The following HS6ST2 variants were observed in gnomAD, a reference collection of about 807,000 sequenced individuals.
HS6ST2 encodes heparan sulfate 6-O-sulfotransferase 2.
In HS6ST2, 17 loss-of-function variants were observed where a neutral mutation model predicts 33.0. The ratio of observed to expected loss-of-function variants is 0.52; its 90% CI spans 0.35 to 0.77. HS6ST2 has a LOEUF of 0.77. Among genes scored for constraint, HS6ST2 ranks in the 30% least tolerant of loss-of-function variants. The pLI, the probability that HS6ST2 is intolerant of heterozygous loss-of-function variation, is 0.01. For synonymous variants in HS6ST2, 248 were observed against 237.1 expected (o/e 1.05, Z -0.42); for missense variants, 519 against 551.7 (o/e 0.94, Z 0.59).
intron 2 of HS6ST2, among the ~76,000 whole-genome samples, chrX:132,789,186 G>A (rs2065093792): frequency 9.0e-6 from 1 of 111,641 alleles, no homozygotes; most frequent in African/African-American, 3.3e-5. Context: ...TCAACGAACA[G>A]CATCACTCTC....
chrX:132,723,688 T>C (rs1052892193), intron 2 of HS6ST2, among the ~76,000 whole-genome samples: 32 of 112,362 alleles, frequency 2.8e-4, no homozygotes, highest in Non-Finnish European at 5.3e-4. Context: ...ATAAAAGCTA[T>C]GTATGACAGA....
At chrX:132,707,767 A>G (rs1315105910) in intron 3 of HS6ST2, among the ~76,000 whole-genome samples, 3 of 111,850 alleles carry the variant, frequency 2.7e-5, no homozygotes, top group East Asian at 2.8e-4. Context: ...GGTTCTTGCT[A>G]GACTCTCCGG....
At chrX:132,671,139 G>C in intron 3 of HS6ST2, among the ~76,000 whole-genome samples, 1 of 112,641 alleles carries the variant, frequency 8.9e-6, no homozygotes, top group Non-Finnish European at 1.9e-5. Context: ...CCTGAGACCA[G>C]GGACCATCCT....
intron 2 of HS6ST2, among the ~76,000 whole-genome samples, chrX:132,740,437 G>C (rs1488676985): frequency 3.6e-5 from 4 of 111,577 alleles, no homozygotes; most frequent in Non-Finnish European, 7.5e-5. Flanking sequence ...AGTTCCTAGA[G>C]CTTCTCTCCC....
chrX:132,880,968 A>G (rs1397405305), intron 2 of HS6ST2, among the ~76,000 whole-genome samples: 5 of 109,957 alleles, frequency 4.5e-5, no homozygotes, highest in African/African-American at 1.7e-4. Context: ...ATCATTTTTT[A>G]TGGCTGCATA....
At chrX:132,909,807 ACTT>A (rs1277230564) in intron 2 of HS6ST2, among the ~76,000 whole-genome samples, 1 of 111,725 alleles carries the variant, frequency 9.0e-6, no homozygotes, top group African/African-American at 3.3e-5. Context: ...AATGTACATT[ACTT>A]CATCTTGTGG....
At chrX:132,683,316 C>T (rs1242759853) in intron 3 of HS6ST2, among the ~76,000 whole-genome samples, 1 of 111,702 alleles carries the variant, frequency 9.0e-6, no homozygotes, top group Non-Finnish European at 1.9e-5. Context: ...AGGCATGGGC[C>T]CTGACCTATC....
At chrX:132,798,918 A>G (rs2065210494) in intron 2 of HS6ST2, among the ~76,000 whole-genome samples, 1 of 111,951 alleles carries the variant, frequency 8.9e-6, no homozygotes. Context: ...TGATGGCCTC[A>G]AGGGTGAGAA....
At chrX:132,667,532 C>T (rs958292982) in intron 4 of HS6ST2, 2 of 112,124 alleles carry the variant, frequency 1.8e-5, no homozygotes, top group African/African-American at 3.2e-5. Flanking sequence ...GTCATCTTAA[C>T]TCAGATTCTA....
chrX:132,797,585 T>C (rs138926008), intron 2 of HS6ST2, among the ~76,000 whole-genome samples: 1,136 of 112,079 alleles, frequency 0.01, 9 homozygotes, highest in African/African-American at 0.033. Flanking sequence ...GTGGAGTGTG[T>C]GTATGCACAT....
chrX:132,817,570 C>T (rs753027241), intron 2 of HS6ST2, among the ~76,000 whole-genome samples: 8 of 111,962 alleles, frequency 7.1e-5, no homozygotes, highest in Non-Finnish European at 1.5e-4. Flanking sequence ...CCAAGACTTA[C>T]GGAGTCACAC....
intron 2 of HS6ST2, among the ~76,000 whole-genome samples, chrX:132,915,284 T>C (rs182866220): frequency 1.1e-3 from 120 of 112,473 alleles, no homozygotes; most frequent in Non-Finnish European, 2.0e-3. Flanking sequence ...TGGCACCAAC[T>C]TGTAGTTGAA....
At chrX:132,649,531 C>G (rs1569477390) in intron 4 of HS6ST2, among the ~76,000 whole-genome samples, 1 of 112,077 alleles carries the variant, frequency 8.9e-6, no homozygotes, top group South Asian at 3.7e-4. Context: ...TTGCACCATG[C>G]TAAGCATTCT....
intron 3 of HS6ST2, among the ~76,000 whole-genome samples, chrX:132,683,911 C>T (rs1481152781): frequency 5.5e-5 from 6 of 109,787 alleles, no homozygotes; most frequent in Admixed American, 9.9e-5. Flanking sequence ...TAACCTAAAG[C>T]GTACCTGTAA....
chrX:132,890,921 T>C (rs2066303393), intron 2 of HS6ST2, among the ~76,000 whole-genome samples: 1 of 111,735 alleles, frequency 8.9e-6, no homozygotes, highest in Admixed American at 9.5e-5. Context: ...TCAACTGGCA[T>C]TTTCCAAGGG....
In HS6ST2 at chrX:132,876,701, A is replaced by G. The variant is rs2066111589; in HGVS notation, c.947+80107T>C. Among the ~76,000 whole-genome samples the G allele has an allele frequency of 3.6e-5, 4 of 110,425 alleles. No homozygotes were observed. The Admixed American group carries it at 3.9e-4, about 11-fold the overall frequency. On this transcript the variant is annotated intron_variant, in intron 2 of 4. Coordinates refer to ENST00000370833, the MANE Select transcript of HS6ST2 (RefSeq NM_001394073.1). ...AGCTGAAGAGGCAGAAGAGTGAGTG[A>G]CTGCTAAGGAATTAGCTCTGGTTCC...
At chrX:132,642,326 G>A (rs1315677029) in intron 4 of HS6ST2, among the ~76,000 whole-genome samples, 1 of 111,305 alleles carries the variant, frequency 9.0e-6, no homozygotes, top group African/African-American at 3.3e-5. Flanking sequence ...GAGCAGCACA[G>A]GGGAAAAGTT....
intron 2 of HS6ST2, among the ~76,000 whole-genome samples, chrX:132,872,812 C>G (rs1447452722): frequency 1.8e-5 from 2 of 111,530 alleles, no homozygotes; most frequent in Non-Finnish European, 3.8e-5. Context: ...AGAGGCCTTA[C>G]AACATAGACA....
At chrX:132,733,085 T>C (rs1450594510) in intron 2 of HS6ST2, among the ~76,000 whole-genome samples, 1 of 111,824 alleles carries the variant, frequency 8.9e-6, no homozygotes, top group Non-Finnish European at 1.9e-5. Flanking sequence ...TAGGCAACCT[T>C]CTTCCTCTAC....
Sources: gnomAD v4.1 joint callset for allele counts (sites outside exome capture counted in the v4.1 genomes callset) on GRCh38, gnomAD v4.1.1 for gene constraint, MANE v1.5 for transcripts, NCBI Gene and HGNC (gene_info 2026-07-23, HGNC 2026-07-21) for gene names.